Variants in CROCC2 observed in about 807,000 individuals in gnomAD.
CROCC2 encodes the protein ciliary rootlet coiled-coil, rootletin family member 2.
CROCC2 carries 163 observed loss-of-function variants against 177.6 expected under a neutral mutation model. That is an observed-to-expected ratio of 0.92 (90% CI 0.81 to 1.05). CROCC2 has a LOEUF of 1.05. Ranked by LOEUF, CROCC2 falls within the 50% of genes least tolerant of loss-of-function variation. The pLI is 0.00. For missense variants in CROCC2, 1,929 were observed against 1,797.8 expected (o/e 1.07, Z -1.32); for synonymous variants, 904 against 787.3 (o/e 1.15, Z -2.48).
chr2:240,915,007 C>T (rs1343474791), intron 1 of CROCC2, among the ~76,000 whole-genome samples: 3 of 152,232 alleles, frequency 2.0e-5, no homozygotes, highest in African/African-American at 7.2e-5. Context: ...TCGGGTTTTT[C>T]GGTGCAGACC....
At chr2:240,925,353 C>T (rs1265416376) in intron 4 of CROCC2, among the ~76,000 whole-genome samples, 1 of 152,184 alleles carries the variant, frequency 6.6e-6, no homozygotes, top group African/African-American at 2.4e-5. Context: ...CTGACTCCCT[C>T]TCCGCGTCAC....
intron 15 of CROCC2, 130 bp from the exon 16 acceptor site, chr2:240,948,840 TGCACCATAA>T: frequency 1.3e-6 from 1 of 770,680 alleles, no homozygotes; most frequent in Non-Finnish European, 2.1e-6. Flanking sequence ...GCTCCAGAGA[TGCACCATAA>T]TTTCTAAAAC....
chr2:240,906,720 T>G (rs1218729365), intron 1 of CROCC2, 129 bp downstream of exon 1: 1 of 397,536 alleles, frequency 2.5e-6, no homozygotes, highest in Non-Finnish European at 4.4e-6. Context: ...TTCCACTTGC[T>G]CACGTGTTTG....
chr2:240,934,499 C>T (rs1202655479), intron 12 of CROCC2, 24 bp downstream of exon 12: 9 of 1,541,068 alleles, frequency 5.8e-6, no homozygotes, highest in South Asian at 1.2e-5. Context: ...CCCACAACCC[C>T]GCCCCCTCTC....
In CROCC2 at chr2:240,991,267, C is replaced by T. The variant is rs1201187853; in HGVS notation, c.4935C>T (p.Phe1645=). The T allele has an allele frequency of 1.3e-6, 2 of 1,548,586 alleles. No individual in the cohort carries two copies. The highest frequency in any genetic ancestry group is 3.9e-5 in the Admixed American group (2 of 50,832). Residue 1645 remains phenylalanine, a synonymous_variant, in exon 31 of 32, where the codon TTC becomes TTT. Coordinates refer to ENST00000690015, the MANE Select transcript of CROCC2 (RefSeq NM_001351305.2). ...WRQQAHLGQA[F]QTGHAQRD Reference sequence around the variant, plus strand: ...AACAGGCCCACCTCGGCCAGGCCTTCCAGACAGGACAGTGAGCCCTGCTGC... The same window carrying T: ...AACAGGCCCACCTCGGCCAGGCCTTTCAGACAGGACAGTGAGCCCTGCTGC...
In CROCC2 at chr2:240,950,590, G is replaced by A. The variant is rs550322709; in HGVS notation, c.2829+80G>A. The stretch of plus-strand genomic sequence containing the variant: ...CTCTGGCCCAGCACAAGGGCTGCAT[G>A]TGGCCACACCTTAGGCAGGTCCAAC... On this transcript the variant is annotated intron_variant, in intron 18 of 31. Transcript: ENST00000690015. The A allele has an allele frequency of 1.9e-5, 27 of 1,445,366 alleles. No homozygotes were observed. The African/African-American group carries it at 2.4e-4, about 13-fold the overall frequency. 89.5% of individuals were successfully genotyped at this position (1,445,366 alleles called of 1,614,324 possible). A position where few individuals can be genotyped will look rare whatever the true frequency, so the allele number is the denominator to read the frequency against.
Position 240,934,491 on chromosome 2 carries a change from C to T in CROCC2, c.1791+16C>T. On this transcript the variant is annotated intron_variant, in intron 12 of 31. Coordinates refer to ENST00000690015, the MANE Select transcript of CROCC2 (RefSeq NM_001351305.2). ...CCTGGCGCGGGTACACTCTGCTCCC[C>T]ACAACCCCGCCCCCTCTCCTGTCTG... The T allele has an allele frequency of 6.5e-7, 1 of 1,544,668 alleles. No homozygotes were observed. The highest frequency in any genetic ancestry group is 8.7e-7 in the Non-Finnish European group (1 of 1,145,016).
intron 27 of CROCC2, among the ~76,000 whole-genome samples, chr2:240,975,055 G>T (rs2059750037): frequency 6.6e-6 from 1 of 151,968 alleles, no homozygotes; most frequent in Admixed American, 6.6e-5. Flanking sequence ...TTGCTTTTTT[G>T]GTTTGGTTTT....
chr2:240,986,123 T>A (rs1428444624), intron 28 of CROCC2: 1 of 356,312 alleles, frequency 2.8e-6, no homozygotes, highest in Non-Finnish European at 5.7e-6. Flanking sequence ...ACCATCAGTG[T>A]CCTGCACCGC....
Position 240,932,845 on chromosome 2 carries a change from C to T in CROCC2, c.1188C>T (p.Ala396=). ...GASPPHICSP[A]TLDPALQAMR... ...CCCCACCACACATCTGCTCCCCAGC[C>T]ACCCTGGACCCCGCACTGCAGGCCA... Residue 396 remains alanine, a synonymous_variant, in exon 9 of 32, where the codon GCC becomes GCT. Transcript: ENST00000690015. 2 of 1,544,666 alleles carry T rather than the reference C, an allele frequency of 1.3e-6. No homozygotes were observed. Among genetic ancestry groups the T allele is most frequent in the Non-Finnish European group, 1.7e-6 (2 of 1,144,186 alleles).
At position 240,919,011 on chromosome 2, in the gene CROCC2, G is replaced by T. The variant is rs568896852; in HGVS notation, c.229+135G>T. 4.9e-6 allele frequency: 3 copies of T among 608,746 alleles called. No individual in the cohort carries two copies. The East Asian group carries it at 9.7e-5, about 20-fold the overall frequency. 37.7% of individuals were successfully genotyped at this position (608,746 alleles called of 1,614,324 possible). On this transcript the variant is annotated intron_variant, in intron 2 of 31. Coordinates refer to ENST00000690015, the MANE Select transcript of CROCC2 (RefSeq NM_001351305.2). The stretch of plus-strand genomic sequence containing the variant: ...GCTCGCGGCTGGCCAAGGTGATGGC[G>T]TGGGGGACAGTCCTGGGCCCGGGGC...
At chr2:240,955,995 A>G (rs1171310507) in intron 19 of CROCC2, 23 bp downstream of exon 19, 66 of 1,514,920 alleles carry the variant, frequency 4.4e-5, no homozygotes, top group Non-Finnish European at 5.8e-5. Context: ...CAGCCAGGCC[A>G]CGTGCACAGC....
rs74001708 is a variant in CROCC2, at chr2:240,958,636, G to A, written c.2944-665G>A. 8,431 of 978,138 alleles carry A rather than the reference G, an allele frequency of 8.6e-3. 289 individuals are homozygous for A. In the East Asian group the frequency reaches 0.15, roughly 18 times the overall value. The allele number at this position is 978,138 out of a possible 1,614,324, so 60.6% of individuals were successfully genotyped here. On this transcript the variant is annotated intron_variant, in intron 19 of 31. Coordinates refer to ENST00000690015, the MANE Select transcript of CROCC2 (RefSeq NM_001351305.2). This position sits in a 1 kb window ranked among gnomAD's most constrained non-coding sequence, Gnocchi z 6.7. The stretch of plus-strand genomic sequence containing the variant: ...TTGGTCCAGTCCCCTGAACCCAGGG[G>A]TGCAGAGCCTGAGCAGGGCAGGGCT...
At chr2:240,930,653 G>A (rs978954553) in intron 6 of CROCC2, among the ~76,000 whole-genome samples, 26 of 152,220 alleles carry the variant, frequency 1.7e-4, no homozygotes, top group African/African-American at 5.8e-4. Context: ...CCTTAGGTAC[G>A]TAGCAGCCCC....
chr2:240,959,323 A>G lies in CROCC2; in HGVS notation c.2966A>G (p.Glu989Gly), dbSNP rs1388432108. ...QAQATISATT[E>G]ELKALQAQFE... ...CAGGCCACCATCAGTGCCACGACTGAGGAGCTGAAGGCCCTCCAGGCCCAG... is the reference window on the plus strand; with the variant it reads ...CAGGCCACCATCAGTGCCACGACTGGGGAGCTGAAGGCCCTCCAGGCCCAG... Residue 989 changes from glutamate to glycine, a missense_variant, in exon 20 of 32, where the codon GAG becomes GGG. Around this residue, in one of 3 missense-constraint regions of CROCC2, gnomAD observed 1,397 missense variants for 1,239.9 expected, o/e 1.13. Coordinates refer to ENST00000690015, the MANE Select transcript of CROCC2 (RefSeq NM_001351305.2). 2 of 1,550,464 alleles carry G rather than the reference A, an allele frequency of 1.3e-6. No individual in the cohort carries two copies. The highest frequency in any genetic ancestry group is 4.9e-5 in the East Asian group (2 of 40,912).
chr2:240,950,639 C>T, intron 18 of CROCC2, 129 bp downstream of exon 18: 2 of 906,412 alleles, frequency 2.2e-6, no homozygotes, highest in African/African-American at 1.7e-5. Context: ...ATCCATCCAT[C>T]CATCCATCCA....
intron 4 of CROCC2, among the ~76,000 whole-genome samples, chr2:240,923,012 C>T (rs1317746967): frequency 6.6e-6 from 1 of 152,236 alleles, no homozygotes; most frequent in East Asian, 1.9e-4. Flanking sequence ...AGCGGCTCAG[C>T]AGCATCCCTA....
intron 20 of CROCC2, among the ~76,000 whole-genome samples, chr2:240,963,057 G>A (rs553615282): frequency 7.9e-5 from 12 of 152,282 alleles, no homozygotes; most frequent in East Asian, 3.9e-4. Context: ...TCACTGTGCC[G>A]GGGTCACTGG....
intron 1 of CROCC2, among the ~76,000 whole-genome samples, chr2:240,909,866 A>C (rs1257929920): frequency 6.6e-6 from 1 of 152,186 alleles, no homozygotes; most frequent in African/African-American, 2.4e-5. Flanking sequence ...GCAGAACCGT[A>C]GGGACACTCC....
Sources: allele counts gnomAD v4.1 joint callset (sites outside exome capture counted in the v4.1 genomes callset), GRCh38; gene constraint gnomAD v4.1.1; regional missense constraint gnomAD v4.1.1; non-coding constraint Gnocchi (gnomAD v3.1); transcripts MANE v1.5; gene names NCBI Gene and HGNC (gene_info 2026-07-23, HGNC 2026-07-21).